Variants in BMPR2 observed in about 807,000 individuals in gnomAD.
BMPR2 encodes bone morphogenetic protein receptor type 2.
Under a neutral mutation model 100.8 loss-of-function variants are expected in BMPR2, and 29 were observed. That is an observed-to-expected ratio of 0.29 (90% confidence interval 0.21 to 0.39). BMPR2 has a LOEUF of 0.39. Ranked by LOEUF, BMPR2 falls within the 10% of genes least tolerant of loss-of-function variation. The probability of loss-of-function intolerance (pLI) is 1.00; values close to 1 mark genes in which losing one functional copy is unlikely to be tolerated. For synonymous variants in BMPR2, 382 were observed against 442.3 expected (o/e 0.86, Z 1.71); for missense variants, 1,011 against 1,274.5 (o/e 0.79, Z 3.15).
intron 1 of BMPR2, among the ~76,000 whole-genome samples, chr2:202,448,093 G>C (rs1028658173): frequency 6.7e-6 from 1 of 149,982 alleles, no homozygotes; most frequent in Non-Finnish European, 1.5e-5. Flanking sequence ...CATTTTTCCT[G>C]GTTTAGAATA....
At chr2:202,425,097 T>A (rs1691359743) in intron 1 of BMPR2, among the ~76,000 whole-genome samples, 1 of 152,150 alleles carries the variant, frequency 6.6e-6, no homozygotes, top group South Asian at 2.1e-4. Context: ...TAGCTGGGAC[T>A]ACAGGCACAT....
intron 1 of BMPR2, among the ~76,000 whole-genome samples, chr2:202,382,061 T>TG (rs1481467531): frequency 6.9e-6 from 1 of 145,742 alleles, no homozygotes; most frequent in African/African-American, 2.6e-5. Context: ...TGTTTTTGTT[T>TG]TTTTTTTTTT....
At chr2:202,472,781 GT>G (rs1282512168) in intron 3 of BMPR2, among the ~76,000 whole-genome samples, 11 of 152,212 alleles carry the variant, frequency 7.2e-5, no homozygotes, top group African/African-American at 2.4e-4. Flanking sequence ...TGACCCAAAA[GT>G]AGGAATATTG....
At chr2:202,553,357 A>G (rs1368690827) in intron 11 of BMPR2, among the ~76,000 whole-genome samples, 1 of 152,064 alleles carries the variant, frequency 6.6e-6, no homozygotes, top group East Asian at 1.9e-4. Flanking sequence ...CTTATAGAAT[A>G]TACTACTACT....
intron 7 of BMPR2, among the ~76,000 whole-genome samples, chr2:202,527,870 G>T (rs1192050985): frequency 6.6e-6 from 1 of 151,976 alleles, no homozygotes; most frequent in Non-Finnish European, 1.5e-5. Flanking sequence ...GACTTACAAT[G>T]GGATTACATC....
intron 10 of BMPR2, among the ~76,000 whole-genome samples, chr2:202,545,058 G>T (rs1688350437): frequency 6.6e-6 from 1 of 151,198 alleles, no homozygotes; most frequent in Non-Finnish European, 1.5e-5. Flanking sequence ...CATCATGCCT[G>T]GCCTGGTATT....
intron 3 of BMPR2, among the ~76,000 whole-genome samples, chr2:202,509,412 G>C (rs1233571124): frequency 6.6e-6 from 1 of 151,706 alleles, no homozygotes; most frequent in Non-Finnish European, 1.5e-5. Flanking sequence ...AGAAATTTGG[G>C]TAATGCTAAA....
chr2:202,500,581 A>G (rs1009470431), intron 3 of BMPR2, among the ~76,000 whole-genome samples: 1 of 152,196 alleles, frequency 6.6e-6, no homozygotes, highest in African/African-American at 2.4e-5. Flanking sequence ...AATATCCCTT[A>G]AGGCCTGAAG....
intron 1 of BMPR2, among the ~76,000 whole-genome samples, chr2:202,432,447 A>G (rs749420482): frequency 6.6e-6 from 1 of 150,576 alleles, no homozygotes; most frequent in Non-Finnish European, 1.5e-5. Flanking sequence ...TGGTTGTAAC[A>G]TCTAGGAGAT....
chr2:202,482,540 A>ATT (rs1294071717), intron 3 of BMPR2, among the ~76,000 whole-genome samples: 10 of 138,712 alleles, frequency 7.2e-5, no homozygotes, highest in Admixed American at 7.2e-5. Context: ...TGCCTGTCTA[A>ATT]TTTTTTTTTT....
At chr2:202,546,978 G>A (rs990641338) in intron 10 of BMPR2, among the ~76,000 whole-genome samples, 3 of 151,778 alleles carry the variant, frequency 2.0e-5, no homozygotes, top group Non-Finnish European at 4.4e-5. Flanking sequence ...TAGTTGCCAA[G>A]ACTAGTCTTA....
At chr2:202,400,248 C>T (rs1574428223) in intron 1 of BMPR2, among the ~76,000 whole-genome samples, 1 of 152,110 alleles carries the variant, frequency 6.6e-6, no homozygotes, top group Admixed American at 6.6e-5. Context: ...CTCAAGCCAT[C>T]CTCCTACTTC....
intron 11 of BMPR2, among the ~76,000 whole-genome samples, chr2:202,554,332 A>G (rs553236454): frequency 6.6e-6 from 1 of 152,008 alleles, no homozygotes; most frequent in East Asian, 1.9e-4. Context: ...TTGATGGCCC[A>G]CCTTGATTTG....
chr2:202,457,557 T>TAGAG (rs1258876623), intron 1 of BMPR2, among the ~76,000 whole-genome samples: 10 of 100,800 alleles, frequency 9.9e-5, no homozygotes, highest in African/African-American at 1.3e-4. Flanking sequence ...TATATATATA[T>TAGAG]ATATAGAGAG....
intron 1 of BMPR2, among the ~76,000 whole-genome samples, chr2:202,462,902 AG>A (rs1325526183): frequency 1.3e-5 from 2 of 151,842 alleles, no homozygotes; most frequent in Non-Finnish European, 2.9e-5. Context: ...TAGTAGAAAC[AG>A]GGTTTCACCA....
intron 3 of BMPR2, among the ~76,000 whole-genome samples, chr2:202,492,862 C>T (rs1213111228): frequency 2.0e-5 from 3 of 151,890 alleles, no homozygotes; most frequent in African/African-American, 7.3e-5. Flanking sequence ...TCTTGTTTTC[C>T]TTATAAGAGA....
chr2:202,534,545 C>T (rs1321180277), intron 9 of BMPR2, among the ~76,000 whole-genome samples: 1 of 152,162 alleles, frequency 6.6e-6, no homozygotes, highest in East Asian at 1.9e-4. Flanking sequence ...GAGTGGGACA[C>T]AGCACATGTT....
chr2:202,550,109 C>T (rs1688449712), intron 10 of BMPR2, among the ~76,000 whole-genome samples: 1 of 152,056 alleles, frequency 6.6e-6, no homozygotes, highest in African/African-American at 2.4e-5. Context: ...GTGGCTCACG[C>T]CTGTAATCCC....
intron 3 of BMPR2, among the ~76,000 whole-genome samples, chr2:202,512,539 C>T (rs1254794978): frequency 3.3e-5 from 5 of 152,034 alleles, no homozygotes; most frequent in African/African-American, 1.2e-4. Flanking sequence ...TTTTTTTCCT[C>T]ATCAGATGCT....
Sources: allele counts gnomAD v4.1 joint callset (sites outside exome capture counted in the v4.1 genomes callset), GRCh38; gene constraint gnomAD v4.1.1; transcripts MANE v1.5; gene names NCBI Gene and HGNC (gene_info 2026-07-23, HGNC 2026-07-21).